Variants in NFIA observed in about 807,000 individuals in gnomAD.
NFIA encodes nuclear factor I A.
Under a neutral mutation model 62.8 loss-of-function variants are expected in NFIA, and 8 were observed. The ratio of observed to expected loss-of-function variants is 0.13; its 90% CI spans 0.07 to 0.23. The LOEUF (loss-of-function observed/expected upper bound fraction) is 0.23. NFIA is among the 10% of genes least tolerant of loss of function. The pLI is 1.00. For synonymous variants in NFIA, 235 were observed against 238.1 expected (o/e 0.99, Z 0.12); for missense variants, 410 against 642.1 (o/e 0.64, Z 3.91).
chr1:61,135,612 G>T (rs991406493), intron 2 of NFIA, among the ~76,000 whole-genome samples: 6 of 152,176 alleles, frequency 3.9e-5, no homozygotes, highest in African/African-American at 7.2e-5. Context: ...TCCCTGTGTT[G>T]TGTGGGCTGG....
In NFIA at chr1:61,455,477, A is replaced by G. The variant is rs1163716046; in HGVS notation, c.*157A>G. The G allele has an allele frequency of 1.2e-5, 15 of 1,226,024 alleles. No individual in the cohort carries two copies. Among genetic ancestry groups the G allele is most frequent in the Non-Finnish European group, 1.6e-5 (14 of 853,418 alleles). 75.9% of individuals were successfully genotyped at this position (1,226,024 alleles called of 1,614,324 possible). A position where few individuals can be genotyped will look rare whatever the true frequency, so the allele number is the denominator to read the frequency against. On this transcript the variant is annotated 3_prime_UTR_variant, in exon 11 of 11. Transcript: ENST00000403491. ...CAACTTGTACATGGAAACAGCAAGC[A>G]TTATGGTCAAACAGCAAAGGCCATA...
intron 10 of NFIA, among the ~76,000 whole-genome samples, chr1:61,434,080 T>TA (rs1411734073): frequency 2.0e-5 from 3 of 152,168 alleles, no homozygotes; most frequent in Non-Finnish European, 4.4e-5. Context: ...TCTTCCCTTG[T>TA]ACAGGCAGCA....
chr1:61,260,991 C>T (rs967924905), intron 2 of NFIA, among the ~76,000 whole-genome samples: 6 of 152,204 alleles, frequency 3.9e-5, no homozygotes, highest in Non-Finnish European at 7.3e-5. Context: ...TCAGTGATGT[C>T]TGAAGCTCCA....
chr1:61,089,695 C>CTTTTTTTTTTTTTTTTTTTTT (rs918196815), intron 2 of NFIA, among the ~76,000 whole-genome samples: 22 of 107,756 alleles, frequency 2.0e-4, no homozygotes, highest in African/African-American at 7.4e-4. Flanking sequence ...GTTTTTTTTT[C>CTTTTTTTTTTTTTTTTTTTTT]TTTTTTTTTT....
At chr1:61,413,897 A>T (rs1666228362) in intron 9 of NFIA, among the ~76,000 whole-genome samples, 1 of 151,960 alleles carries the variant, frequency 6.6e-6, no homozygotes, top group African/African-American at 2.4e-5. Context: ...AAGTGCTGGG[A>T]TTACAGGCAT....
At position 61,364,814 on chromosome 1, in the gene NFIA, T is replaced by C. The variant is rs570963850; in HGVS notation, c.946+5540T>C. 9.9e-5 allele frequency among the ~76,000 whole-genome samples: 15 copies of C among 152,266 alleles called. No individual in the cohort carries two copies. In the South Asian group the frequency reaches 2.9e-3, roughly 29 times the overall value. On this transcript the variant is annotated intron_variant, in intron 6 of 10. Coordinates refer to ENST00000403491, the MANE Select transcript of NFIA (RefSeq NM_001134673.4). ...AAATTCAGATTTCCATACCAAATGT[T>C]CTCTTCTACAAGTGTAAGGAGCACC...
intron 10 of NFIA, among the ~76,000 whole-genome samples, chr1:61,450,998 T>C (rs2100588201): frequency 6.6e-6 from 1 of 152,314 alleles, no homozygotes; most frequent in African/African-American, 2.4e-5. Flanking sequence ...GTTGAGGCCA[T>C]GGCCCGCATC....
chr1:61,383,272 A>G lies in NFIA; in HGVS notation c.982A>G (p.Lys328Glu). 1 of 1,613,984 alleles carries G rather than the reference A, an allele frequency of 6.2e-7. No homozygotes were observed. The highest frequency in any genetic ancestry group is 8.5e-7 in the Non-Finnish European group (1 of 1,179,920). Residue 328 changes from lysine (K) to glutamate (E), a missense_variant, in exon 7 of 11, where the codon AAG (lysine) becomes GAG (glutamate). Coordinates refer to ENST00000403491, the MANE Select transcript of NFIA (RefSeq NM_001134673.4). ...PSPTTLKKSE[K>E]SGFSSPSPSQ... is the part of the protein sequence containing the mutation. Reference sequence around the variant, plus strand: ...TCCAACCACACTGAAGAAGTCGGAGAAGTCTGGTTTCAGCAGCCCCTCCCC... The same window carrying G: ...TCCAACCACACTGAAGAAGTCGGAGGAGTCTGGTTTCAGCAGCCCCTCCCC...
chr1:61,414,028 G>A (rs1048348062), intron 9 of NFIA, among the ~76,000 whole-genome samples: 1 of 151,836 alleles, frequency 6.6e-6, no homozygotes, highest in African/African-American at 2.4e-5. Context: ...TGTCACCCAG[G>A]CTGGAGTGCA....
intron 2 of NFIA, among the ~76,000 whole-genome samples, chr1:61,213,833 A>G (rs185168645): frequency 5.7e-4 from 87 of 152,228 alleles, no homozygotes; most frequent in Non-Finnish European, 1.1e-3. Context: ...CACACAGATC[A>G]TGCCCGCCAC....
intron 2 of NFIA, among the ~76,000 whole-genome samples, chr1:61,112,421 A>G (rs964949989): frequency 6.6e-6 from 1 of 152,156 alleles, no homozygotes; most frequent in African/African-American, 2.4e-5. Flanking sequence ...ATGTGTGTGT[A>G]TATGTGTGCA....
In NFIA at chr1:61,136,731, T is replaced by C. The variant is rs142096059; in HGVS notation, c.559+48051T>C. Among the ~76,000 whole-genome samples, 300 of 151,598 alleles carry C rather than the reference T, an allele frequency of 2.0e-3. No homozygotes were observed. In the Middle Eastern group the frequency reaches 0.024, roughly 12 times the overall value. On this transcript the variant is annotated intron_variant, in intron 2 of 10. Coordinates refer to ENST00000403491, the MANE Select transcript of NFIA (RefSeq NM_001134673.4). ...CTTTATATGCTGGGAGACACAATTA[T>C]GGGCTGACTTGGAAGTTTTGGCAGA...
intron 10 of NFIA, among the ~76,000 whole-genome samples, chr1:61,452,764 C>T (rs1668115090): frequency 6.6e-6 from 1 of 152,234 alleles, no homozygotes. Context: ...TGATTAAAAA[C>T]TAACCTTTAA....
intron 3 of NFIA, among the ~76,000 whole-genome samples, chr1:61,327,290 T>A (rs905735389): frequency 2.6e-5 from 4 of 151,718 alleles, no homozygotes; most frequent in Non-Finnish European, 5.9e-5. Context: ...GGGGTAAAAG[T>A]GATTTTTGGG....
chr1:61,126,483 A>T (rs1266021339), intron 2 of NFIA, among the ~76,000 whole-genome samples: 1 of 37,460 alleles, frequency 2.7e-5, no homozygotes, highest in Non-Finnish European at 6.2e-5. Flanking sequence ...CACTCACAGA[A>T]ATATCCTCTT....
intron 9 of NFIA, among the ~76,000 whole-genome samples, chr1:61,417,823 C>A (rs1419214476): frequency 6.6e-6 from 1 of 152,070 alleles, no homozygotes; most frequent in African/African-American, 2.4e-5. Flanking sequence ...GATTTCCCAT[C>A]CTATTTGCAA....
At chr1:61,198,856 T>C (rs749212133) in intron 2 of NFIA, among the ~76,000 whole-genome samples, 9 of 152,190 alleles carry the variant, frequency 5.9e-5, no homozygotes, top group Non-Finnish European at 1.0e-4. Context: ...AATTTCAAAT[T>C]GCATGCATTT....
chr1:61,102,184 G>A (rs1646522382), intron 2 of NFIA, among the ~76,000 whole-genome samples: 1 of 152,166 alleles, frequency 6.6e-6, no homozygotes, highest in Non-Finnish European at 1.5e-5. Context: ...AAAAATGGTT[G>A]GGGATTAGTC....
chr1:61,404,354 A>G (rs768659739), intron 8 of NFIA, 72 bp downstream of exon 8: 140 of 1,413,520 alleles, frequency 9.9e-5, no homozygotes, highest in Non-Finnish European at 1.3e-4. Flanking sequence ...GGGAGACCTT[A>G]TGATCATGTG....
Sources: allele counts gnomAD v4.1 joint callset (sites outside exome capture counted in the v4.1 genomes callset), GRCh38; gene constraint gnomAD v4.1.1; transcripts MANE v1.5; gene names NCBI Gene and HGNC (gene_info 2026-07-23, HGNC 2026-07-21).